Variants in ADGRB3 observed in about 807,000 individuals in gnomAD.
The protein encoded by ADGRB3 is adhesion G protein-coupled receptor B3.
A neutral mutation model predicts 193.4 loss-of-function variants in ADGRB3; 37 were observed. The ratio of observed to expected loss-of-function variants is 0.19; its 90% confidence interval spans 0.15 to 0.25. The LOEUF is 0.25. Ranked by LOEUF, ADGRB3 falls within the 10% of genes least tolerant of loss-of-function variation. ADGRB3 has a pLI of 1.00. For missense variants in ADGRB3, 1,637 were observed against 1,852.9 expected (o/e 0.88, Z 2.14); for synonymous variants, 690 against 644.2 (o/e 1.07, Z -1.08).
chr6:69,064,987 A>G (rs1158966540), intron 16 of ADGRB3, among the ~76,000 whole-genome samples: 1 of 152,148 alleles, frequency 6.6e-6, no homozygotes, highest in Non-Finnish European at 1.5e-5. Context: ...AATATTTTCT[A>G]CATATGGAAA....
chr6:69,229,465 G>T (rs890362116), intron 17 of ADGRB3, among the ~76,000 whole-genome samples: 3 of 152,098 alleles, frequency 2.0e-5, no homozygotes, highest in African/African-American at 7.2e-5. Context: ...TGCTGCTACA[G>T]CTATTTTGAT....
intron 20 of ADGRB3, among the ~76,000 whole-genome samples, chr6:69,316,216 GCCAAGC>G (rs1768307592): frequency 6.6e-6 from 1 of 150,480 alleles, no homozygotes; most frequent in Non-Finnish European, 1.5e-5. Flanking sequence ...TTGAAACCTT[GCCAAGC>G]AAAAAGCAGT....
At chr6:69,233,233 G>A (rs1329346739) in intron 17 of ADGRB3, 57 bp from the exon 18 acceptor site, 3 of 1,592,640 alleles carry the variant, frequency 1.9e-6, no homozygotes, top group Non-Finnish European at 2.6e-6. Flanking sequence ...CTTCTTTACG[G>A]ATTTGGCTAT....
chr6:69,316,157 G>C (rs935749932), intron 20 of ADGRB3, among the ~76,000 whole-genome samples: 1 of 151,118 alleles, frequency 6.6e-6, no homozygotes. Flanking sequence ...ATTTATTTGA[G>C]TGTTGGAAAT....
intron 24 of ADGRB3, among the ~76,000 whole-genome samples, chr6:69,335,794 A>T (rs1436637238): frequency 6.6e-6 from 1 of 152,116 alleles, no homozygotes; most frequent in Non-Finnish European, 1.5e-5. Context: ...ACATATATCA[A>T]GCATTTGTTT....
At chr6:69,149,401 C>G (rs780378354) in intron 17 of ADGRB3, among the ~76,000 whole-genome samples, 1 of 151,828 alleles carries the variant, frequency 6.6e-6, no homozygotes, top group Non-Finnish European at 1.5e-5. Context: ...TTAATTACTT[C>G]AATGTCTTTG....
At chr6:69,177,134 T>C (rs955846190) in intron 17 of ADGRB3, among the ~76,000 whole-genome samples, 4 of 152,170 alleles carry the variant, frequency 2.6e-5, no homozygotes, top group Admixed American at 6.5e-5. Flanking sequence ...TCAGTCCTGC[T>C]CTGATTTTCG....
At chr6:69,288,587 CT>C (rs1171944161) in intron 20 of ADGRB3, among the ~76,000 whole-genome samples, 1 of 152,160 alleles carries the variant, frequency 6.6e-6, no homozygotes, top group Admixed American at 6.6e-5. Context: ...TTACTCAACT[CT>C]TTTTATATTG....
chr6:69,210,310 G>T (rs937738068), intron 17 of ADGRB3, among the ~76,000 whole-genome samples: 1 of 151,528 alleles, frequency 6.6e-6, no homozygotes, highest in Non-Finnish European at 1.5e-5. Flanking sequence ...GGAGCATCCA[G>T]CATGGGAGAA....
At chr6:68,966,003 CT>C (rs1399857053) in intron 8 of ADGRB3, among the ~76,000 whole-genome samples, 1 of 152,094 alleles carries the variant, frequency 6.6e-6, no homozygotes, top group Non-Finnish European at 1.5e-5. Flanking sequence ...TTTATAATAC[CT>C]GTATGTGCCT....
At chr6:69,134,582 GATGGTACAAGAAAT>G (rs1297030419) in intron 17 of ADGRB3, among the ~76,000 whole-genome samples, 1 of 151,858 alleles carries the variant, frequency 6.6e-6, no homozygotes, top group Non-Finnish European at 1.5e-5. Flanking sequence ...AAGAGTACAG[GATGGTACAAGAAAT>G]TGAAAGGATG....
chr6:68,831,001 T>C (rs1767941658), intron 3 of ADGRB3, among the ~76,000 whole-genome samples: 5 of 150,582 alleles, frequency 3.3e-5, no homozygotes. Context: ...TATAACGTGA[T>C]CTAACCTACA....
intron 3 of ADGRB3, among the ~76,000 whole-genome samples, chr6:68,838,265 G>A (rs942543207): frequency 6.6e-6 from 1 of 152,122 alleles, no homozygotes; most frequent in African/African-American, 2.4e-5. Flanking sequence ...ACAGATCAGA[G>A]GGACACCCAA....
At chr6:69,193,427 G>C (rs930827391) in intron 17 of ADGRB3, among the ~76,000 whole-genome samples, 1 of 152,114 alleles carries the variant, frequency 6.6e-6, no homozygotes, top group Non-Finnish European at 1.5e-5. Context: ...ATATCTGTTA[G>C]TGGGTGTGGA....
rs1766215783 is a variant in ADGRB3, at chr6:68,752,360, T to G, written c.757+112928T>G. Among the ~76,000 whole-genome samples the G allele has an allele frequency of 2.7e-5, 4 of 147,018 alleles. No individual in the cohort carries two copies. The Admixed American group carries it at 2.8e-4, about 10-fold the overall frequency. Reference sequence around the variant, plus strand: ...GGTGCAATCTCAGCTCACTGCAACCTCCACCTCCCGGGTTCCAGCGATTCT... The same window carrying G: ...GGTGCAATCTCAGCTCACTGCAACCGCCACCTCCCGGGTTCCAGCGATTCT... On this transcript the variant is annotated intron_variant, in intron 3 of 31. Coordinates refer to ENST00000370598, the MANE Select transcript of ADGRB3 (RefSeq NM_001704.3).
chr6:68,761,275 T>G (rs1488070155), intron 3 of ADGRB3, among the ~76,000 whole-genome samples: 4 of 152,182 alleles, frequency 2.6e-5, no homozygotes, highest in Non-Finnish European at 4.4e-5. Context: ...GTGCCCTAAA[T>G]ATTTTCAAAC....
chr6:69,147,617 C>A (rs769914100), intron 17 of ADGRB3, among the ~76,000 whole-genome samples: 1 of 152,122 alleles, frequency 6.6e-6, no homozygotes, highest in Non-Finnish European at 1.5e-5. Context: ...GTGCATTCTG[C>A]AGCTGTTGGT....
chr6:68,879,479 C>T (rs548001446), intron 3 of ADGRB3, among the ~76,000 whole-genome samples: 12 of 152,132 alleles, frequency 7.9e-5, no homozygotes, highest in African/African-American at 1.7e-4. Flanking sequence ...CCGCCCACCT[C>T]GGCCTCCCAA....
chr6:69,051,926 G>T (rs566421340), intron 15 of ADGRB3, among the ~76,000 whole-genome samples: 1 of 151,992 alleles, frequency 6.6e-6, no homozygotes, highest in Non-Finnish European at 1.5e-5. Context: ...ACGGAGTCTC[G>T]CTCTGTTGCC....
Sources: gnomAD v4.1 joint callset for allele counts (sites outside exome capture counted in the v4.1 genomes callset) on GRCh38, gnomAD v4.1.1 for gene constraint, MANE v1.5 for transcripts, NCBI Gene and HGNC (gene_info 2026-07-23, HGNC 2026-07-21) for gene names.